The following EYS variants were observed in gnomAD, a reference collection of about 807,000 sequenced individuals.
EYS encodes EGF-like photoreceptor maintenance factor.
EYS carries 250 observed loss-of-function variants against 282.1 expected under a neutral mutation model. That is an observed-to-expected ratio of 0.89 (90% CI 0.80 to 0.98). The LOEUF (loss-of-function observed/expected upper bound fraction) is 0.98, where lower values mean the gene tolerates loss of function less well. EYS is among the 50% of genes least tolerant of loss of function. The pLI is 0.00. For synonymous variants in EYS, 1,355 were observed against 1,282.9 expected (o/e 1.06, Z -1.20); for missense variants, 4,016 against 3,709.0 (o/e 1.08, Z -2.15).
intron 12 of EYS, among the ~76,000 whole-genome samples, chr6:65,253,303 A>G (rs1012096706): frequency 6.6e-6 from 1 of 151,916 alleles, no homozygotes; most frequent in Admixed American, 6.6e-5. Flanking sequence ...TAATTTTCTT[A>G]TTCTTCTTCA....
intron 8 of EYS, among the ~76,000 whole-genome samples, chr6:65,360,704 A>T (rs921491326): frequency 6.6e-6 from 1 of 152,058 alleles, no homozygotes; most frequent in African/African-American, 2.4e-5. Context: ...CTGTTATGCT[A>T]AAAAGAGACA....
intron 26 of EYS, among the ~76,000 whole-genome samples, chr6:64,462,633 C>T (rs1775784393): frequency 6.6e-6 from 1 of 151,926 alleles, no homozygotes; most frequent in African/African-American, 2.4e-5. Context: ...TTCTCACTGC[C>T]AATTTCAGTT....
intron 32 of EYS, among the ~76,000 whole-genome samples, chr6:64,070,036 G>T (rs1366336983): frequency 1.3e-5 from 2 of 152,126 alleles, no homozygotes; most frequent in Non-Finnish European, 2.9e-5. Context: ...GTTGTGAATT[G>T]TTTCTTTGGC....
At chr6:64,582,360 A>G (rs1766098186) in intron 26 of EYS, among the ~76,000 whole-genome samples, 1 of 152,096 alleles carries the variant, frequency 6.6e-6, no homozygotes, top group Non-Finnish European at 1.5e-5. Context: ...GAATCTAACT[A>G]ATGCCTGGTG....
intron 26 of EYS, among the ~76,000 whole-genome samples, chr6:64,551,334 T>C (rs1054605718): frequency 6.6e-6 from 1 of 151,718 alleles, no homozygotes; most frequent in Non-Finnish European, 1.5e-5. Flanking sequence ...CAACAACCAA[T>C]TGTACAAGTG....
chr6:65,221,289 A>G (rs1278522471), intron 12 of EYS, among the ~76,000 whole-genome samples: 1 of 152,168 alleles, frequency 6.6e-6, no homozygotes, highest in Non-Finnish European at 1.5e-5. Context: ...AGAGGTCTTC[A>G]TAGCAGCCCC....
intron 29 of EYS, among the ~76,000 whole-genome samples, chr6:64,333,571 C>A: frequency 6.6e-6 from 1 of 151,834 alleles, no homozygotes; most frequent in East Asian, 1.9e-4. Flanking sequence ...AACATGCAAC[C>A]CACTCAATCT....
intron 13 of EYS, among the ~76,000 whole-genome samples, chr6:65,055,553 AAT>A (rs1362940015): frequency 1.3e-5 from 2 of 151,964 alleles, no homozygotes; most frequent in African/African-American, 2.4e-5. Flanking sequence ...TTTCTGTTCC[AAT>A]ATCTCTTCCA....
intron 35 of EYS, among the ~76,000 whole-genome samples, chr6:63,881,915 T>C (rs1164313765): frequency 6.6e-6 from 1 of 152,234 alleles, no homozygotes; most frequent in Non-Finnish European, 1.5e-5. Flanking sequence ...AAGCTATTGT[T>C]ATCCTTGAGA....
At chr6:63,964,558 C>A (rs1766217583) in intron 35 of EYS, among the ~76,000 whole-genome samples, 1 of 152,152 alleles carries the variant, frequency 6.6e-6, no homozygotes, top group Non-Finnish European at 1.5e-5. Flanking sequence ...AACATGCTTT[C>A]TTACAGATGG....
chr6:64,203,643 G>A (rs1765536065), intron 31 of EYS, among the ~76,000 whole-genome samples: 1 of 152,048 alleles, frequency 6.6e-6, no homozygotes, highest in Non-Finnish European at 1.5e-5. Context: ...CAGCTAATAG[G>A]AGATGGAAAA....
chr6:65,337,687 T>C (rs1770041433), intron 10 of EYS, among the ~76,000 whole-genome samples: 1 of 151,046 alleles, frequency 6.6e-6, no homozygotes, highest in African/African-American at 2.4e-5. Flanking sequence ...TTTTCTAGCT[T>C]ATAAGCCGTA....
chr6:65,612,193 C>A (rs1766026242), intron 2 of EYS, among the ~76,000 whole-genome samples: 1 of 150,034 alleles, frequency 6.7e-6, no homozygotes, highest in Admixed American at 6.7e-5. Flanking sequence ...GAATGTAAAC[C>A]CTGTATATAT....
intron 2 of EYS, among the ~76,000 whole-genome samples, chr6:65,597,460 C>T (rs958815789): frequency 6.6e-6 from 1 of 152,102 alleles, no homozygotes; most frequent in African/African-American, 2.4e-5. Flanking sequence ...ACAGTACTGA[C>T]AGTGCAGGCT....
intron 36 of EYS, among the ~76,000 whole-genome samples, chr6:63,818,093 C>T (rs1027977335): frequency 4.6e-5 from 7 of 152,130 alleles, no homozygotes; most frequent in African/African-American, 1.4e-4. Flanking sequence ...AAAACAAATC[C>T]ACCTTTTTGA....
At chr6:64,631,769 C>T (rs190979190) in intron 22 of EYS, 8 of 151,946 alleles carry the variant, frequency 5.3e-5, no homozygotes, top group Admixed American at 1.3e-4. Flanking sequence ...ATCATACAAC[C>T]GAAGTAAGAA....
chr6:64,714,603 G>A (rs983709460), intron 22 of EYS, among the ~76,000 whole-genome samples: 1 of 145,674 alleles, frequency 6.9e-6, no homozygotes, highest in African/African-American at 2.6e-5. Context: ...TCGGCTCACT[G>A]CAAGCTCCGC....
chr6:64,465,357 A>G (rs1472946694), intron 26 of EYS, among the ~76,000 whole-genome samples: 4 of 152,158 alleles, frequency 2.6e-5, no homozygotes, highest in Admixed American at 6.5e-5. Context: ...ACTTGATTTC[A>G]AAATCTGCTA....
intron 11 of EYS, among the ~76,000 whole-genome samples, chr6:65,333,642 C>A (rs1027006049): frequency 6.6e-6 from 1 of 151,470 alleles, no homozygotes; most frequent in African/African-American, 2.4e-5. Flanking sequence ...ATTAGAGCCT[C>A]TAATTGTTAT....
Sources: gnomAD v4.1 joint callset for allele counts (sites outside exome capture counted in the v4.1 genomes callset) on GRCh38, gnomAD v4.1.1 for gene constraint, MANE v1.5 for transcripts, NCBI Gene and HGNC (gene_info 2026-07-23, HGNC 2026-07-21) for gene names.